Variants in RBFOX1 observed in about 807,000 individuals in gnomAD.
RBFOX1 encodes the protein RNA binding fox-1 homolog 1, also known as RNA binding protein fox-1 homolog 1.
RBFOX1 carries 8 observed loss-of-function variants against 57.7 expected under a neutral mutation model. The observed-to-expected ratio is 0.14, with a 90% CI of 0.08 to 0.25. The LOEUF is 0.25. RBFOX1 is among the 10% of genes least tolerant of loss of function. The pLI is 1.00. For synonymous variants in RBFOX1, 326 were observed against 222.4 expected (o/e 1.47, Z -4.15); for missense variants, 611 against 548.5 (o/e 1.11, Z -1.14).
At chr16:7,265,932 A>C (rs1305773360) in intron 4 of RBFOX1, among the ~76,000 whole-genome samples, 3 of 144,628 alleles carry the variant, frequency 2.1e-5, no homozygotes, top group African/African-American at 7.7e-5. Context: ...TCTTCACGAC[A>C]GTGAGTGAGT....
At chr16:6,010,977 G>A (rs1018857338) in intron 4 of RBFOX1, among the ~76,000 whole-genome samples, 1 of 152,132 alleles carries the variant, frequency 6.6e-6, no homozygotes, top group African/African-American at 2.4e-5. Context: ...ACTTCTTGGA[G>A]CATCTATATC....
rs540217613 is a variant in RBFOX1 at position 5,829,668 on chromosome 16, T to G, written c.319-37635T>G. ...ATGGGCTGTGTAGATCTGCTGTCCA[T>G]GAGCCAGGCATTGACGCAAGAGAAC... On this transcript the variant is annotated intron_variant, in intron 3 of 19. Transcript: ENST00000641259. Among the ~76,000 whole-genome samples the G allele has an allele frequency of 4.4e-3, 583 of 133,552 alleles. 3 individuals carry two copies. The highest frequency in any genetic ancestry group is 0.025 in the Middle Eastern group (6 of 240). The allele number at this position is 133,552 out of a possible 152,430, so 87.6% of individuals were successfully genotyped here. A position where few individuals can be genotyped will look rare whatever the true frequency, so the allele number is the denominator to read the frequency against.
chr16:6,783,991 C>A (rs1463527124), intron 3 of RBFOX1, among the ~76,000 whole-genome samples: 1 of 152,152 alleles, frequency 6.6e-6, no homozygotes, highest in Non-Finnish European at 1.5e-5. Flanking sequence ...AAGGTTTCTG[C>A]TGAGAAGTCT....
chr16:7,544,350 A>T (rs1324292415), intron 5 of RBFOX1, among the ~76,000 whole-genome samples: 1 of 152,210 alleles, frequency 6.6e-6, no homozygotes, highest in African/African-American at 2.4e-5. Flanking sequence ...TGAGTGAATT[A>T]GTGTCCCCCC....
chr16:5,301,020 T>C (rs376335792), intron 1 of RBFOX1, among the ~76,000 whole-genome samples: 2 of 152,190 alleles, frequency 1.3e-5, no homozygotes, highest in Admixed American at 6.5e-5. Context: ...AGCCTCTGCC[T>C]CTTGATATCC....
At chr16:7,020,287 A>C (rs1443200762) in intron 3 of RBFOX1, among the ~76,000 whole-genome samples, 2 of 151,934 alleles carry the variant, frequency 1.3e-5, no homozygotes, top group Non-Finnish European at 2.9e-5. Context: ...GTGCAGAGGC[A>C]CAGTCTTGGC....
intron 3 of RBFOX1, among the ~76,000 whole-genome samples, chr16:6,876,201 A>G (rs771008864): frequency 3.2e-4 from 48 of 152,108 alleles, no homozygotes; most frequent in South Asian, 8.3e-4. Flanking sequence ...AACAAAGCAA[A>G]GCAAAACAAA....
chr16:6,145,524 T>C (rs1375693773), intron 1 of RBFOX1, among the ~76,000 whole-genome samples: 1 of 152,238 alleles, frequency 6.6e-6, no homozygotes, highest in Non-Finnish European at 1.5e-5. Context: ...TGTATTATAA[T>C]GATTTCTTTT....
chr16:6,922,724 C>T (rs1405920623), intron 3 of RBFOX1, among the ~76,000 whole-genome samples: 2 of 152,118 alleles, frequency 1.3e-5, no homozygotes, highest in Non-Finnish European at 2.9e-5. Context: ...AACTGGAAAG[C>T]CTTCTGAGAT....
chr16:7,683,942 C>T (rs1473986095), intron 14 of RBFOX1, among the ~76,000 whole-genome samples: 5 of 152,100 alleles, frequency 3.3e-5, no homozygotes, highest in Admixed American at 6.6e-5. Flanking sequence ...AAAATTAAAC[C>T]GCTCCACTTT....
chr16:5,256,741 C>T (rs1054378000), intron 1 of RBFOX1, among the ~76,000 whole-genome samples: 2 of 152,008 alleles, frequency 1.3e-5, no homozygotes, highest in Non-Finnish European at 2.9e-5. Flanking sequence ...TCGATACCAG[C>T]CTGGCCAATA....
intron 4 of RBFOX1, among the ~76,000 whole-genome samples, chr16:7,438,276 G>A (rs2098738474): frequency 6.6e-6 from 1 of 152,154 alleles, no homozygotes. Flanking sequence ...CCTTATGTTT[G>A]CCAGGGATGG....
chr16:7,171,357 A>G (rs570742296), intron 4 of RBFOX1, among the ~76,000 whole-genome samples: 28 of 152,304 alleles, frequency 1.8e-4, no homozygotes, highest in Middle Eastern at 3.4e-3. Flanking sequence ...TGCTTAGCTG[A>G]GCACTTGACA....
At chr16:6,800,777 C>G (rs2085246662) in intron 3 of RBFOX1, among the ~76,000 whole-genome samples, 1 of 152,028 alleles carries the variant, frequency 6.6e-6, no homozygotes, top group Admixed American at 6.6e-5. Flanking sequence ...CAGTAGATGA[C>G]AAAGTAGCTT....
chr16:5,916,993 T>G (rs1346729933), intron 4 of RBFOX1, among the ~76,000 whole-genome samples: 2 of 152,160 alleles, frequency 1.3e-5, no homozygotes, highest in Non-Finnish European at 2.9e-5. Context: ...GCATCCCATG[T>G]GCCCCTGGGA....
In RBFOX1 at chr16:7,355,658, C is replaced by T. The variant is rs529417071; in HGVS notation, c.28-162489C>T. ...TCCACTCTATCATTCTATATTGTGA[C>T]GGCACACAATTCTATAAACAGTAAT... is the stretch of plus-strand genomic sequence containing the variant. On this transcript the variant is annotated intron_variant, in intron 4 of 15. Transcript: ENST00000550418. Among the ~76,000 whole-genome samples the T allele has an allele frequency of 1.1e-4, 17 of 152,282 alleles. 1 individual carries two copies. The East Asian group carries it at 1.2e-3, about 10-fold the overall frequency.
At chr16:7,030,146 G>C (rs950777317) in intron 3 of RBFOX1, among the ~76,000 whole-genome samples, 14 of 151,720 alleles carry the variant, frequency 9.2e-5, no homozygotes. Flanking sequence ...TTTAATTGTA[G>C]TGATGTCATT....
At chr16:7,137,019 C>G (rs1375455807) in intron 4 of RBFOX1, among the ~76,000 whole-genome samples, 1 of 152,184 alleles carries the variant, frequency 6.6e-6, no homozygotes, top group Admixed American at 6.5e-5. Flanking sequence ...CTTTTGTTTG[C>G]CAACTGGACA....
chr16:7,692,937 G>T (rs943156159), intron 14 of RBFOX1, among the ~76,000 whole-genome samples: 2 of 151,670 alleles, frequency 1.3e-5, no homozygotes, highest in Non-Finnish European at 2.9e-5. Context: ...TTTCTAGCTA[G>T]CTGTAGTATA....
Sources: allele counts gnomAD v4.1 joint callset (sites outside exome capture counted in the v4.1 genomes callset), GRCh38; gene constraint gnomAD v4.1.1; transcripts MANE v1.5; gene names NCBI Gene and HGNC (gene_info 2026-07-23, HGNC 2026-07-21).